FRMPD4: variants seen among roughly 807,000 people sequenced by gnomAD.
FRMPD4 encodes FERM and PDZ domain containing 4, also known as FERM and PDZ domain-containing protein 4.
Under a neutral mutation model 94.1 loss-of-function variants are expected in FRMPD4, and 22 were observed. The ratio of observed to expected loss-of-function variants is 0.23; its 90% confidence interval spans 0.17 to 0.33. The LOEUF is 0.33. FRMPD4 is among the 10% of genes least tolerant of loss of function. The pLI is 1.00. For missense variants in FRMPD4, 1,111 were observed against 1,339.9 expected, an observed-to-expected ratio of 0.83 and a Z score of 2.67; for synonymous variants, 631 against 548.6, an observed-to-expected ratio of 1.15 and a Z score of -2.10.
chrX:12,559,656 A>AAAC (rs1310435857), intron 2 of FRMPD4, among the ~76,000 whole-genome samples: 1 of 109,646 alleles, frequency 9.1e-6, no homozygotes, highest in East Asian at 2.8e-4. Flanking sequence ...TCTCAAGGAA[A>AAAC]AAAAAAAACA....
At chrX:12,108,352 C>A (rs1325916914) in intron 3 of FRMPD4, among the ~76,000 whole-genome samples, 1 of 111,459 alleles carries the variant, frequency 9.0e-6, no homozygotes, top group Non-Finnish European at 1.9e-5. Flanking sequence ...GAAATAAAAT[C>A]CTTTACAGAC....
At chrX:11,927,100 C>A (rs2054093466) in intron 3 of FRMPD4, among the ~76,000 whole-genome samples, 1 of 109,566 alleles carries the variant, frequency 9.1e-6, no homozygotes, top group Non-Finnish European at 1.9e-5. Flanking sequence ...TCCTATATAC[C>A]AACAACAGTC....
intron 1 of FRMPD4, among the ~76,000 whole-genome samples, chrX:12,467,183 C>A (rs199739425): frequency 1.7e-3 from 140 of 80,918 alleles, no homozygotes; most frequent in Middle Eastern, 7.1e-3. Context: ...AATGTAGTCT[C>A]AAAAAAAAAA....
chrX:12,608,853 A>G (rs1426803071), intron 2 of FRMPD4, among the ~76,000 whole-genome samples: 1 of 111,936 alleles, frequency 8.9e-6, no homozygotes, highest in Non-Finnish European at 1.9e-5. Flanking sequence ...AACAACAAAA[A>G]TAACCATAAA....
At chrX:12,094,515 G>A (rs1302893968) in intron 3 of FRMPD4, among the ~76,000 whole-genome samples, 1 of 112,031 alleles carries the variant, frequency 8.9e-6, no homozygotes, top group Non-Finnish European at 1.9e-5. Context: ...CAGACTTGCA[G>A]TCCATGGGCT....
At chrX:12,231,030 G>GTGTATATATATATATATA (rs2056993261) in intron 1 of FRMPD4, among the ~76,000 whole-genome samples, 1 of 26,385 alleles carries the variant, frequency 3.8e-5, no homozygotes, top group African/African-American at 1.2e-4. Flanking sequence ...TATATATATA[G>GTGTATATATATATATATA]TATATATATA....
At chrX:12,024,265 T>C (rs863284) in intron 3 of FRMPD4, among the ~76,000 whole-genome samples, 8,163 of 111,908 alleles carry the variant, frequency 0.073, 290 homozygotes, top group East Asian at 0.24. Flanking sequence ...CATTTATGAA[T>C]GTGTCATGCA....
rs765366815 is a variant in FRMPD4 at position 12,331,697 on chromosome X, T to G, written c.42-166983T>G. Among the ~76,000 whole-genome samples, 532 of 66,137 alleles carry G rather than the reference T, an allele frequency of 8.0e-3. 50 individuals are homozygous for G. The highest frequency in any genetic ancestry group is 0.041 in the African/African-American group (506 of 12,213). 57.4% of individuals were successfully genotyped at this position (66,137 alleles called of 115,157 possible). A position where few individuals can be genotyped will look rare whatever the true frequency, so the allele number is the denominator to read the frequency against. ...ATAAATTATATATTTATATAATATA[T>G]AAATATATAATATATAATTTATATA... On this transcript the variant is annotated intron_variant, in intron 1 of 16. Coordinates refer to ENST00000675598, the MANE Select transcript of FRMPD4 (RefSeq NM_001368397.1).
In FRMPD4 at chrX:12,575,228, T is replaced by C. The variant is rs141510990; in HGVS notation, c.159-34493T>C. Among the ~76,000 whole-genome samples, 243 of 111,918 alleles carry C rather than the reference T, an allele frequency of 2.2e-3. 2 individuals are homozygous for C. Among genetic ancestry groups the C allele is most frequent in the African/African-American group, 7.6e-3 (234 of 30,839 alleles). On this transcript the variant is annotated intron_variant, in intron 2 of 16. Transcript: ENST00000675598. ...TATTGTCAGTCTTTTCATGAATCTA[T>C]AAGGTCAACTATCCTCTTGTTTTCC... is the stretch of plus-strand genomic sequence containing the variant.
chrX:12,494,261 G>T (rs1016772010), intron 1 of FRMPD4, among the ~76,000 whole-genome samples: 5 of 111,579 alleles, frequency 4.5e-5, no homozygotes, highest in African/African-American at 1.6e-4. Context: ...CTTTTGAGGG[G>T]CTGTCCTGTG....
intron 3 of FRMPD4, among the ~76,000 whole-genome samples, chrX:12,051,729 A>G (rs2054819893): frequency 9.0e-6 from 1 of 111,224 alleles, no homozygotes; most frequent in Non-Finnish European, 1.9e-5. Context: ...TCACAGTGAT[A>G]CAATCATCCA....
At chrX:12,676,700 G>C (rs1488230472) in intron 5 of FRMPD4, among the ~76,000 whole-genome samples, 1 of 112,240 alleles carries the variant, frequency 8.9e-6, no homozygotes, top group Non-Finnish European at 1.9e-5. Flanking sequence ...GAGTCCATGT[G>C]ACTTGTTATT....
intron 3 of FRMPD4, among the ~76,000 whole-genome samples, chrX:12,093,322 G>T (rs997609494): frequency 1.8e-5 from 2 of 111,214 alleles, no homozygotes; most frequent in Non-Finnish European, 3.8e-5. Flanking sequence ...AGGAAGAAGG[G>T]TCTAGTCATA....
intron 3 of FRMPD4, among the ~76,000 whole-genome samples, chrX:12,613,369 C>G (rs753343845): frequency 8.9e-6 from 1 of 111,835 alleles, no homozygotes; most frequent in Non-Finnish European, 1.9e-5. Flanking sequence ...TGGAAGAGTC[C>G]AAGCTAAGAT....
At chrX:12,719,359 G>A (rs1413410882) in intron 16 of FRMPD4, among the ~76,000 whole-genome samples, 1 of 112,091 alleles carries the variant, frequency 8.9e-6, no homozygotes, top group African/African-American at 3.2e-5. Flanking sequence ...TTCCTGATGA[G>A]CTGCTTTATT....
intron 1 of FRMPD4, among the ~76,000 whole-genome samples, chrX:12,141,007 C>T (rs1055186261): frequency 9.0e-6 from 1 of 111,517 alleles, no homozygotes; most frequent in Non-Finnish European, 1.9e-5. Context: ...AGTGTGAGCC[C>T]GAGGATGGTC....
At chrX:12,707,119 CGAGA>C (rs2041891146) in intron 12 of FRMPD4, among the ~76,000 whole-genome samples, 1 of 109,999 alleles carries the variant, frequency 9.1e-6, no homozygotes, top group African/African-American at 3.3e-5. Flanking sequence ...TGTGAAGAAC[CGAGA>C]GAATCAAAGG....
At chrX:12,101,372 TA>T (rs2055254372) in intron 3 of FRMPD4, among the ~76,000 whole-genome samples, 1 of 111,220 alleles carries the variant, frequency 9.0e-6, no homozygotes, top group Non-Finnish European at 1.9e-5. Flanking sequence ...TTTTCCCCTC[TA>T]TTGAGGGTAA....
chrX:12,454,812 C>A, intron 1 of FRMPD4, among the ~76,000 whole-genome samples: 1 of 66,672 alleles, frequency 1.5e-5, no homozygotes. Context: ...GTTAGAAAGC[C>A]ACGTTTTTTT....
Sources: allele counts gnomAD v4.1 joint callset (sites outside exome capture counted in the v4.1 genomes callset), GRCh38; gene constraint gnomAD v4.1.1; transcripts MANE v1.5; gene names NCBI Gene and HGNC (gene_info 2026-07-23, HGNC 2026-07-21).